SLC17A1: variants seen among roughly 807,000 people sequenced by gnomAD.
The protein encoded by SLC17A1 is sodium-dependent phosphate transport protein 1.
In SLC17A1, 51 loss-of-function variants were observed where a neutral mutation model predicts 53.5. The ratio of observed to expected loss-of-function variants is 0.95; its 90% CI spans 0.76 to 1.20. The LOEUF is 1.20. Ranked by LOEUF, SLC17A1 falls within the 50% of genes most tolerant of loss-of-function variation. SLC17A1 has a pLI of 0.00. For missense variants in SLC17A1, 538 were observed against 568.2 expected (o/e 0.95, Z 0.54); for synonymous variants, 179 against 198.8 (o/e 0.90, Z 0.84).
At chr6:25,726,271 A>G in the SLC17A1 span, 2 of 1,614,086 alleles carry the variant, frequency 1.2e-6, no homozygotes, top group Non-Finnish European at 1.7e-6. Context: ...GCGGATCGCT[A>G]GCTGCAGGTG....
the SLC17A1 span, chr6:25,727,187 CAG>C: frequency 8.7e-6 from 14 of 1,614,144 alleles, no homozygotes; most frequent in South Asian, 2.2e-5. Context: ...CCATTTCTTC[CAG>C]AGAGATTCAG....
chr6:25,726,018 T>C, the SLC17A1 span: 1 of 926,308 alleles, frequency 1.1e-6, no homozygotes, highest in Admixed American at 2.5e-5. Flanking sequence ...GATGGCTGGT[T>C]AACAGCAGTA....
chr6:25,774,859 C>G, the SLC17A1 span, among the ~76,000 whole-genome samples: 17 of 152,212 alleles, frequency 1.1e-4, no homozygotes, highest in African/African-American at 3.9e-4. Context: ...ACCTTGACAG[C>G]CTCGGCTTAC....
chr6:25,764,480 G>C, the SLC17A1 span, among the ~76,000 whole-genome samples: 2 of 152,202 alleles, frequency 1.3e-5, no homozygotes, highest in Non-Finnish European at 2.9e-5. Flanking sequence ...CTTCCAACTA[G>C]ATTGAAACTA....
the SLC17A1 span, chr6:25,726,872 A>G: frequency 4.4e-6 from 7 of 1,576,884 alleles, no homozygotes; most frequent in Non-Finnish European, 6.0e-6. Flanking sequence ...TAACCCTGGA[A>G]AAGAACCGTG....
chr6:25,817,148 T>C (rs910925266), intron 6 of SLC17A1, among the ~76,000 whole-genome samples: 2 of 152,128 alleles, frequency 1.3e-5, no homozygotes, highest in African/African-American at 4.8e-5. Flanking sequence ...TGTGCCCAGC[T>C]GGCCAGGCCA....
intron 6 of SLC17A1, 50 bp from the exon 7 acceptor site, chr6:25,813,263 C>T (rs1214629440): frequency 4.2e-6 from 6 of 1,438,062 alleles, no homozygotes; most frequent in Non-Finnish European, 5.9e-6. Flanking sequence ...TGTAGTGGAT[C>T]TCTTTCCCAG....
At chr6:25,791,056 C>T (rs1210503174) in intron 12 of SLC17A1, among the ~76,000 whole-genome samples, 1 of 152,014 alleles carries the variant, frequency 6.6e-6, no homozygotes, top group African/African-American at 2.4e-5. Flanking sequence ...ATAGGAAATG[C>T]AGGAAGCAAA....
At chr6:25,777,564 AAACAAC>A in the SLC17A1 span, 7,725 of 161,986 alleles carry the variant, frequency 0.048, 214 homozygotes, top group East Asian at 0.096. Context: ...GCAGAAGCCA[AAACAAC>A]AACAACAACA....
the SLC17A1 span, among the ~76,000 whole-genome samples, chr6:25,724,316 A>G: frequency 6.6e-6 from 1 of 152,168 alleles, no homozygotes; most frequent in Non-Finnish European, 1.5e-5. Context: ...CCAGCTACTC[A>G]GGAGGCTGAG....
the SLC17A1 span, chr6:25,770,477 T>A: frequency 6.2e-7 from 1 of 1,613,784 alleles, no homozygotes; most frequent in Non-Finnish European, 8.5e-7. Flanking sequence ...ATCAGGTAAC[T>A]GGTACCCTAA....
downstream of SLC17A1, chr6:25,782,762 A>G (rs1763293159): frequency 6.6e-6 from 1 of 152,140 alleles, no homozygotes. Context: ...CCCTGGGCCC[A>G]CCAGCGAGGG....
At chr6:25,759,283 G>A in the SLC17A1 span, among the ~76,000 whole-genome samples, 11,919 of 152,066 alleles carry the variant, frequency 0.078, 821 homozygotes, top group African/African-American at 0.2. Context: ...CAGTTGTTGG[G>A]TAGAGTGTTC....
rs199542920 is a variant in SLC17A1 at position 25,815,379 on chromosome 6, TA to T, written c.617-2167del. 3.7e-3 allele frequency among the ~76,000 whole-genome samples: 550 copies of T among 147,686 alleles called. 2 individuals carry two copies. The highest frequency in any genetic ancestry group is 0.012 in the African/African-American group (499 of 40,390). The stretch of plus-strand genomic sequence containing the variant: ...AAGCCCAGAGAATGCCAAGAATAAA[TA>T]AAAAAAAAAGTTACAACCTGACATG... On this transcript the variant is annotated intron_variant, in intron 6 of 12. Transcript: ENST00000244527.
chr6:25,726,933 G>A, the SLC17A1 span: 26 of 1,613,706 alleles, frequency 1.6e-5, no homozygotes, highest in East Asian at 6.7e-5. Context: ...ATCTAAAGGT[G>A]CTACCATTTC....
At chr6:25,769,944 G>T in the SLC17A1 span, 1 of 803,516 alleles carries the variant, frequency 1.2e-6, no homozygotes, top group Non-Finnish European at 2.1e-6. Flanking sequence ...CTGGTATATT[G>T]GAGGAACTGG....
chr6:25,751,993 G>C, the SLC17A1 span, among the ~76,000 whole-genome samples: 1 of 152,210 alleles, frequency 6.6e-6, no homozygotes, highest in Non-Finnish European at 1.5e-5. Flanking sequence ...ACAAGCTAGG[G>C]CACAGAAATT....
At chr6:25,813,621 T>A (rs1334663965) in intron 6 of SLC17A1, among the ~76,000 whole-genome samples, 2 of 152,218 alleles carry the variant, frequency 1.3e-5, no homozygotes, top group South Asian at 4.1e-4. Flanking sequence ...AGTTTATTTA[T>A]ATAGGTAAAC....
chr6:25,770,917 T>C, the SLC17A1 span: 1 of 1,611,432 alleles, frequency 6.2e-7, no homozygotes, highest in Admixed American at 1.7e-5. Context: ...CCTCGCCTCT[T>C]CTGTTCAGGG....
Sources: gnomAD v4.1 joint callset for allele counts (sites outside exome capture counted in the v4.1 genomes callset) on GRCh38, gnomAD v4.1.1 for gene constraint, MANE v1.5 for transcripts, NCBI Gene and HGNC (gene_info 2026-07-23, HGNC 2026-07-21) for gene names.